TOP2A: variants seen among roughly 807,000 people sequenced by gnomAD.
The protein encoded by TOP2A is DNA topoisomerase II alpha.
Under a neutral mutation model 187.2 loss-of-function variants are expected in TOP2A, and 68 were observed. The ratio of observed to expected loss-of-function variants is 0.36; its 90% CI spans 0.30 to 0.44. The LOEUF (loss-of-function observed/expected upper bound fraction) is 0.44. TOP2A is among the 20% of genes least tolerant of loss of function. The pLI is 1.00. For synonymous variants in TOP2A, 542 were observed against 593.2 expected (o/e 0.91, Z 1.25); for missense variants, 1,196 against 1,808.7 (o/e 0.66, Z 6.14).
In TOP2A at chr17:40,398,848, G is replaced by C. The variant is rs987123879; in HGVS notation, c.3378C>G (p.Asn1126Lys). 6.2e-7 allele frequency: 1 copy of C among 1,613,882 alleles called. No homozygotes were observed. Among genetic ancestry groups the C allele is most frequent in the Non-Finnish European group, 8.5e-7 (1 of 1,179,858 alleles). ...ACCAAAGGGGCATATCAAGAAGATA[G>C]TTGAAGGTTGGTCCAGAATCTGTTA... ...DSVTDSGPTF[N>K]YLLDMPLWYL... Residue 1126 changes from asparagine (N) to lysine (K), a missense_variant, in exon 26 of 35, where the codon AAC becomes AAG. Around this residue, in one of 10 missense-constraint regions of TOP2A, gnomAD observed 232 missense variants for 306.1 expected, o/e 0.76. Transcript: ENST00000423485.
rs1356291060 is a variant in TOP2A, at chr17:40,407,552, A to G, written c.1623T>C (p.Asp541=). Residue 541 remains aspartate, a synonymous_variant, in exon 13 of 35, where the codon GAT becomes GAC. Coordinates refer to ENST00000423485, the MANE Select transcript of TOP2A (RefSeq NM_001067.4). ...AAAATTTAATAACAAATCTGACCTG[A>G]TCTGTCATAATCATTATCTTCCCAT... ...LRYGKIMIMT[D]QDQDGSHIKG... 1.3e-6 allele frequency: 2 copies of G among 1,569,444 alleles called. No individual in the cohort carries two copies.
chr17:40,409,315 G>T, intron 10 of TOP2A: 1 of 362,282 alleles, frequency 2.8e-6, no homozygotes, highest in Non-Finnish European at 5.3e-6. Context: ...GGCGCGGGTT[G>T]CAGTGAACTG....
intron 28 of TOP2A, 100 bp from the exon 29 acceptor site, chr17:40,395,639 T>C: frequency 4.1e-6 from 3 of 737,264 alleles, no homozygotes; most frequent in Non-Finnish European, 6.4e-6. Flanking sequence ...CTCACGCCTG[T>C]AATCCCAGCA....
chr17:40,398,492 G>GATATCTATCCA, intron 27 of TOP2A, 66 bp downstream of exon 27: 1 of 1,336,358 alleles, frequency 7.5e-7, no homozygotes, highest in Non-Finnish European at 1.0e-6. Context: ...TCTTGACAAA[G>GATATCTATCCA]GTATACTGCT....
Position 40,412,817 on chromosome 17 carries a change from T to C in TOP2A, c.731A>G (p.Tyr244Cys). ...ATCTTTGGTGGATCCAGCAATATCA[T>C]ATGCTCTTCTGACCATTAGTGCAAC... is the stretch of plus-strand genomic sequence containing the variant. ...DIVALMVRRA[Y>C]DIAGSTKDVK... The change falls in exon 7 of 35, where the codon TAT (tyrosine) becomes TGT (cysteine). Residue 244 changes from tyrosine (Y) to cysteine (C), a missense_variant. Physicochemically the swap from Tyr to Cys is radical, Grantham distance 194. This residue lies in a region of TOP2A where 252 missense variants were observed against 434.8 expected (regional missense o/e 0.58). Coordinates refer to ENST00000423485, the MANE Select transcript of TOP2A (RefSeq NM_001067.4). The C allele has an allele frequency of 6.2e-7, 1 of 1,614,020 alleles. No homozygotes were observed. The highest frequency in any genetic ancestry group is 1.3e-5 in the African/African-American group (1 of 75,070).
At chr17:40,407,921 G>A (rs1412729809) in intron 12 of TOP2A, 46 bp downstream of exon 12, 1 of 1,522,940 alleles carries the variant, frequency 6.6e-7, no homozygotes, top group Non-Finnish European at 9.0e-7. Flanking sequence ...ATAAAGTCTT[G>A]TATTATAAAT....
In TOP2A at chr17:40,403,541, C is replaced by A. The variant is rs550779752; in HGVS notation, c.2284-487G>T. Among the ~76,000 whole-genome samples, 37 of 152,292 alleles carry A rather than the reference C, an allele frequency of 2.4e-4. No individual in the cohort carries two copies. The South Asian group carries it at 7.7e-3, about 32-fold the overall frequency. On this transcript the variant is annotated intron_variant, in intron 19 of 34. Coordinates refer to ENST00000423485, the MANE Select transcript of TOP2A (RefSeq NM_001067.4). ...TATATTTTGATTGAAAGCAACAAGA[C>A]AACCATTATATTTAAAATTCTAGAA...
intron 10 of TOP2A, chr17:40,409,268 T>G (rs191160134): frequency 5.4e-4 from 168 of 310,336 alleles, no homozygotes; most frequent in Middle Eastern, 3.7e-3. Flanking sequence ...CCTAGCTGCT[T>G]GGGAGGCTGA....
chr17:40,408,120 GC>G lies in TOP2A; in HGVS notation c.1346del (p.Gly449AlafsTer11). The G allele has an allele frequency of 6.3e-7, 1 of 1,590,556 alleles. No homozygotes were observed. The highest frequency in any genetic ancestry group is 8.5e-7 in the Non-Finnish European group (1 of 1,170,760). The part of the protein sequence containing the change: ...PKLDDANDAG[G>X]RNSTECTLIL... ...TAAGCGTACACTCAGTGGAGTTTCG[GC>G]CCCCTAAAATAAAAATATACATATT... On this transcript the variant is annotated frameshift_variant, in exon 12 of 35. Transcript: ENST00000423485. LOFTEE classifies it high-confidence loss of function.
At chr17:40,395,631 C>G in intron 28 of TOP2A, 92 bp from the exon 29 acceptor site, 2 of 847,540 alleles carry the variant, frequency 2.4e-6, no homozygotes, top group Non-Finnish European at 3.6e-6. Context: ...AGCGGTGGCT[C>G]ACGCCTGTAA....
Position 40,388,759 on chromosome 17 carries a change from ATGT to A in TOP2A, c.*757_*759del, listed in dbSNP as rs918216613. ...TATAACATTTAAGATCTTGGATCAA[ATGT>A]TGTCCCCGAGTCTTCTGCAATCCAG... On this transcript the variant is annotated 3_prime_UTR_variant, in exon 35 of 35. Coordinates refer to ENST00000423485, the MANE Select transcript of TOP2A (RefSeq NM_001067.4). The A allele has an allele frequency of 5.2e-6, 1 of 193,144 alleles. No individual in the cohort carries two copies. Among genetic ancestry groups the A allele is most frequent in the Non-Finnish European group, 1.1e-5 (1 of 92,590 alleles). The allele number at this position is 193,144 out of a possible 1,614,324, so 12.0% of individuals were successfully genotyped here.
intron 27 of TOP2A, 126 bp from the exon 28 acceptor site, chr17:40,396,591 C>T: frequency 8.5e-7 from 1 of 1,171,900 alleles, no homozygotes; most frequent in Non-Finnish European, 1.2e-6. Context: ...TGCTCCATAA[C>T]CTAGTATACT....
At chr17:40,393,821 C>T (rs1041720453) in intron 29 of TOP2A, among the ~76,000 whole-genome samples, 4 of 151,824 alleles carry the variant, frequency 2.6e-5, no homozygotes, top group Non-Finnish European at 5.9e-5. Context: ...AATGGGAGGC[C>T]GAGGTGGGCA....
chr17:40,415,981 A>G, intron 4 of TOP2A, 24 bp downstream of exon 4: 1 of 1,536,128 alleles, frequency 6.5e-7, no homozygotes, highest in Non-Finnish European at 8.9e-7. Flanking sequence ...GAGCTACATA[A>G]CAAAAACTAA....
At chr17:40,404,720 A>T in intron 17 of TOP2A, 71 bp downstream of exon 17, 1 of 1,033,666 alleles carries the variant, frequency 9.7e-7, no homozygotes, top group East Asian at 2.6e-5. Flanking sequence ...AGTAAGTTTA[A>T]TTTGCTATAG....
In TOP2A at chr17:40,406,613, T is replaced by G; in HGVS notation, c.1814A>C (p.His605Pro). 1.2e-6 allele frequency: 2 copies of G among 1,611,890 alleles called. No homozygotes were observed. The highest frequency in any genetic ancestry group is 1.7e-4 in the Middle Eastern group (1 of 5,848). The change falls in exon 15 of 35, where the codon CAT becomes CCT. Residue 605 changes from histidine to proline, a missense_variant. His to Pro is a moderately conservative substitution (Grantham distance 77). This residue lies in a region of TOP2A where 209 missense variants were observed against 376.9 expected (regional missense o/e 0.55). Coordinates refer to ENST00000423485, the MANE Select transcript of TOP2A (RefSeq NM_001067.4). ...GTAATATTTGACTTTCCATTTTTTA[T>G]GATTTGGAGTAGAACTCTTCCACTC... ...FEEWKSSTPN[H>P]KKWKVKYYKG...
At chr17:40,410,814 T>C (rs758749158) in intron 10 of TOP2A, 10 of 413,460 alleles carry the variant, frequency 2.4e-5, no homozygotes, top group Non-Finnish European at 4.1e-5. Context: ...CAATTTTGGA[T>C]GTGTTGACTG....
Position 40,398,545 on chromosome 17 carries a change from A to G in TOP2A, c.3537+13T>C. ...TAATAAAAATTCTAACATGGGCATT[A>G]TAAACTACATACCTCCAATTCTTCA... On this transcript the variant is annotated intron_variant, in intron 27 of 34. Transcript: ENST00000423485. The G allele has an allele frequency of 6.4e-7, 1 of 1,556,830 alleles. No individual in the cohort carries two copies. Among genetic ancestry groups the G allele is most frequent in the South Asian group, 1.2e-5 (1 of 84,162 alleles).
intron 29 of TOP2A, among the ~76,000 whole-genome samples, chr17:40,393,686 T>C (rs2035054797): frequency 6.6e-6 from 1 of 152,204 alleles, no homozygotes; most frequent in African/African-American, 2.4e-5. Flanking sequence ...AAGAATCAGG[T>C]TGGACACCTT....
Sources: allele counts gnomAD v4.1 joint callset (sites outside exome capture counted in the v4.1 genomes callset), GRCh38; gene constraint gnomAD v4.1.1; regional missense constraint gnomAD v4.1.1; transcripts MANE v1.5; gene names NCBI Gene and HGNC (gene_info 2026-07-23, HGNC 2026-07-21).